The following FHOD3 variants were observed in gnomAD, a reference collection of about 807,000 sequenced individuals.
The protein encoded by FHOD3 is FH1/FH2 domain-containing protein 3.
In FHOD3, 90 loss-of-function variants were observed where a neutral mutation model predicts 173.0. That is an observed-to-expected ratio of 0.52 (90% CI 0.44 to 0.62). The LOEUF is 0.62. Among genes scored for constraint, FHOD3 ranks in the 20% least tolerant of loss-of-function variants. FHOD3 has a pLI of 0.00. For missense variants in FHOD3, 1,945 were observed against 2,034.7 expected, an observed-to-expected ratio of 0.96 and a Z score of 0.85; for synonymous variants, 828 against 823.0, an observed-to-expected ratio of 1.01 and a Z score of -0.10.
At chr18:36,564,911 T>C (rs2147754088) in intron 5 of FHOD3, among the ~76,000 whole-genome samples, 1 of 152,346 alleles carries the variant, frequency 6.6e-6, no homozygotes, top group South Asian at 2.1e-4. Context: ...TTGCAAATGC[T>C]GCTAAATGTC....
chr18:36,654,568 C>T (rs2036283437), intron 13 of FHOD3, among the ~76,000 whole-genome samples: 2 of 152,270 alleles, frequency 1.3e-5, no homozygotes, highest in African/African-American at 2.4e-5. Context: ...GACTTAACTT[C>T]TGTCAGAAGA....
chr18:36,482,885 AGAGAGAGAG>A lies in FHOD3; in HGVS notation c.338-19046_338-19038del, dbSNP rs1599327244. On this transcript the variant is annotated intron_variant, in intron 3 of 28. Coordinates refer to ENST00000590592, the MANE Select transcript of FHOD3 (RefSeq NM_001281740.3). ...GAGAGAGAGAGAGAGAGAGAGAGAGAGAGAGAGAGAACGAGAACATTGTAGACTACCTGC... is the reference window on the plus strand; with the variant it reads ...GAGAGAGAGAGAGAGAGAGAGAGAGAAACGAGAACATTGTAGACTACCTGC... Among the ~76,000 whole-genome samples the A allele has an allele frequency of 2.2e-5, 3 of 134,480 alleles. No homozygotes were observed. The South Asian group carries it at 7.4e-4, about 33-fold the overall frequency. The allele number at this position is 134,480 out of a possible 152,430, so 88.2% of individuals were successfully genotyped here.
chr18:36,682,116 A>G (rs2149406299), intron 15 of FHOD3, among the ~76,000 whole-genome samples: 1 of 152,198 alleles, frequency 6.6e-6, no homozygotes, highest in African/African-American at 2.4e-5. Flanking sequence ...GTTCCTGGCT[A>G]TAGCTCATTC....
intron 24 of FHOD3, among the ~76,000 whole-genome samples, chr18:36,751,220 T>G (rs1270099706): frequency 6.6e-6 from 1 of 152,218 alleles, no homozygotes; most frequent in East Asian, 1.9e-4. Flanking sequence ...TATTCCTAGG[T>G]ATTTTATTCT....
intron 1 of FHOD3, among the ~76,000 whole-genome samples, chr18:36,345,241 A>G (rs2045826635): frequency 6.6e-6 from 1 of 152,220 alleles, no homozygotes; most frequent in African/African-American, 2.4e-5. Flanking sequence ...TAAGCAAGAA[A>G]TCTACAATAA....
At chr18:36,499,408 A>G (rs1398796025) in intron 3 of FHOD3, among the ~76,000 whole-genome samples, 1 of 152,122 alleles carries the variant, frequency 6.6e-6, no homozygotes, top group Non-Finnish European at 1.5e-5. Context: ...CCAGCAGCCT[A>G]TTGACTTAAG....
chr18:36,596,245 C>T (rs1327215420), intron 7 of FHOD3, among the ~76,000 whole-genome samples: 13 of 149,530 alleles, frequency 8.7e-5, no homozygotes, highest in East Asian at 7.8e-4. Flanking sequence ...AGCTCCACCT[C>T]GTGGGTTCAC....
intron 5 of FHOD3, among the ~76,000 whole-genome samples, chr18:36,544,283 C>T (rs1331593406): frequency 6.6e-6 from 1 of 152,222 alleles, no homozygotes; most frequent in Non-Finnish European, 1.5e-5. Context: ...ACATGTGTCT[C>T]ATGCAGGGCC....
chr18:36,700,431 C>T (rs950034856), intron 17 of FHOD3, among the ~76,000 whole-genome samples: 3 of 152,236 alleles, frequency 2.0e-5, no homozygotes, highest in Middle Eastern at 3.2e-3. Flanking sequence ...GGCTATCTCT[C>T]GTGGCCCAAT....
intron 3 of FHOD3, among the ~76,000 whole-genome samples, chr18:36,494,671 G>T (rs745341014): frequency 9.2e-5 from 14 of 152,118 alleles, no homozygotes; most frequent in Non-Finnish European, 1.9e-4. Context: ...ACTTCTCCAG[G>T]ACCTTCTGCA....
intron 3 of FHOD3, among the ~76,000 whole-genome samples, chr18:36,486,918 T>G (rs1232138063): frequency 6.6e-6 from 1 of 152,260 alleles, no homozygotes; most frequent in African/African-American, 2.4e-5. Flanking sequence ...TCTGGTATTT[T>G]GTGTCTGGCT....
intron 17 of FHOD3, among the ~76,000 whole-genome samples, chr18:36,696,969 C>T (rs545027961): frequency 8.5e-5 from 13 of 152,126 alleles, no homozygotes; most frequent in South Asian, 8.3e-4. Context: ...AGTTTATTTC[C>T]TATTATTTTT....
rs114025625 is a variant in FHOD3, at chr18:36,315,695, C to T, written c.165+17695C>T. On this transcript the variant is annotated intron_variant, in intron 1 of 28. Transcript: ENST00000590592. The stretch of plus-strand genomic sequence containing the variant: ...CCCAGAACCTGTGTGCTCACATGCC[C>T]ACCATGTGAATTCCTCTGGCAGCCT... Among the ~76,000 whole-genome samples the T allele has an allele frequency of 5.6e-3, 853 of 152,300 alleles. 6 individuals carry two copies. Among genetic ancestry groups the T allele is most frequent in the African/African-American group, 0.019 (809 of 41,558 alleles).
rs1018420535 is a variant in FHOD3, at chr18:36,564,452, G to A, written c.512-11999G>A. Among the ~76,000 whole-genome samples the A allele has an allele frequency of 1.2e-4, 19 of 152,248 alleles. No homozygotes were observed. In the East Asian group the frequency reaches 3.7e-3, roughly 29 times the overall value. ...GGGTGAGGAGCATAGGTGTAACTGA[G>A]GCTGCTACAGCCCAGCAGTAATGAA... On this transcript the variant is annotated intron_variant, in intron 5 of 28. Coordinates refer to ENST00000590592, the MANE Select transcript of FHOD3 (RefSeq NM_001281740.3).
rs143862093 is a variant in FHOD3, at chr18:36,562,223, G to A, written c.512-14228G>A. ...GTAGAGACAGGATTTCACCATGTTG[G>A]CCAGTCTGGTCTTGAACTCCTGACC... On this transcript the variant is annotated intron_variant, in intron 5 of 28. Transcript: ENST00000590592. 1.1e-4 allele frequency among the ~76,000 whole-genome samples: 17 copies of A among 152,122 alleles called. 1 individual carries two copies. In the East Asian group the frequency reaches 3.1e-3, roughly 28 times the overall value.
chr18:36,389,727 A>G (rs1363618916), intron 3 of FHOD3, among the ~76,000 whole-genome samples: 1 of 152,068 alleles, frequency 6.6e-6, no homozygotes, highest in South Asian at 2.1e-4. Context: ...TGCTCTTCCT[A>G]TTCCAGAGAG....
intron 21 of FHOD3, among the ~76,000 whole-genome samples, chr18:36,741,419 T>C (rs1361545803): frequency 6.6e-6 from 1 of 151,932 alleles, no homozygotes; most frequent in Admixed American, 6.6e-5. Flanking sequence ...AAGGAGGAGA[T>C]GGAAAGTGAA....
intron 3 of FHOD3, among the ~76,000 whole-genome samples, chr18:36,452,984 G>A (rs766494378): frequency 1.3e-4 from 20 of 152,038 alleles, no homozygotes; most frequent in Non-Finnish European, 2.6e-4. Flanking sequence ...TGTTTACAAT[G>A]TCTACAATGT....
chr18:36,696,442 T>C (rs1174689339), intron 17 of FHOD3, among the ~76,000 whole-genome samples: 1 of 152,178 alleles, frequency 6.6e-6, no homozygotes, highest in African/African-American at 2.4e-5. Flanking sequence ...AACTCCTGTT[T>C]CAGATTCTGA....
Sources: allele counts gnomAD v4.1 joint callset (sites outside exome capture counted in the v4.1 genomes callset), GRCh38; gene constraint gnomAD v4.1.1; transcripts MANE v1.5; gene names NCBI Gene and HGNC (gene_info 2026-07-23, HGNC 2026-07-21).